The following BCL2 variants were observed in gnomAD, a reference collection of about 807,000 sequenced individuals.
The protein encoded by BCL2 is apoptosis regulator Bcl-2.
A neutral mutation model predicts 14.2 loss-of-function variants in BCL2; 1 was observed. The ratio of observed to expected loss-of-function variants is 0.07; its 90% CI spans 0.02 to 0.33. The LOEUF (loss-of-function observed/expected upper bound fraction) is 0.33, where lower values mean the gene tolerates loss of function less well. Among genes scored for constraint, BCL2 ranks in the 10% least tolerant of loss-of-function variants. The pLI, the probability that BCL2 is intolerant of heterozygous loss-of-function variation, is 0.99. For synonymous variants in BCL2, 151 were observed against 137.2 expected, an observed-to-expected ratio of 1.10 and a Z score of -0.70; for missense variants, 247 against 305.9, an observed-to-expected ratio of 0.81 and a Z score of 1.44.
In BCL2 at chr18:63,318,458, G is replaced by C; in HGVS notation, c.209C>G (p.Ser70Trp). The C allele has an allele frequency of 6.8e-7, 1 of 1,472,594 alleles. No homozygotes were observed. Among genetic ancestry groups the C allele is most frequent in the Non-Finnish European group, 8.9e-7 (1 of 1,122,878 alleles). 91.2% of individuals were successfully genotyped at this position (1,472,594 alleles called of 1,614,324 possible). ...AASRDPVART[S>W]PLQTPAAPGA... ...GGGGGCAGCCGGGGTCTGCAGCGGC[G>C]AGGTCCTGGCGACCGGGTCCCGGGA... Residue 70 changes from serine to tryptophan, a missense_variant, in exon 2 of 3, where the codon TCG becomes TGG. Physicochemically the swap from Ser to Trp is radical, Grantham distance 177. Transcript: ENST00000333681. This position sits in a 1 kb window ranked among gnomAD's most constrained non-coding sequence, Gnocchi z 7.4.
intron 2 of BCL2, among the ~76,000 whole-genome samples, chr18:63,271,293 A>C (rs553057572): frequency 6.6e-6 from 1 of 152,326 alleles, no homozygotes; most frequent in South Asian, 2.1e-4. Flanking sequence ...TTTGGAGGAA[A>C]ACCAATTAAA....
rs983902232 is a variant in BCL2, at chr18:63,192,083, G to A, written c.586-63324C>T. ...GACAGGCATGGTCCCTGCTTTCATG[G>A]ATCTCAAAGAATAAACAAGCACAGC... On this transcript the variant is annotated intron_variant, in intron 2 of 2. Coordinates refer to ENST00000333681, the MANE Select transcript of BCL2 (RefSeq NM_000633.3). Among the ~76,000 whole-genome samples the A allele has an allele frequency of 3.9e-5, 6 of 152,294 alleles. No homozygotes were observed. The South Asian group carries it at 1.0e-3, about 26-fold the overall frequency.
chr18:63,227,995 C>T (rs932376767), intron 2 of BCL2, among the ~76,000 whole-genome samples: 1 of 152,222 alleles, frequency 6.6e-6, no homozygotes, highest in Non-Finnish European at 1.5e-5. Flanking sequence ...AAGGTGCTGG[C>T]TGATTTCATT....
chr18:63,310,487 G>A (rs1316148564), intron 2 of BCL2, among the ~76,000 whole-genome samples: 4 of 152,152 alleles, frequency 2.6e-5, no homozygotes, highest in Admixed American at 6.5e-5. Flanking sequence ...CTGTAGCTGG[G>A]TTGGGCCTCT....
At chr18:63,258,436 G>A (rs1045799055) in intron 2 of BCL2, among the ~76,000 whole-genome samples, 1 of 152,212 alleles carries the variant, frequency 6.6e-6, no homozygotes, top group Non-Finnish European at 1.5e-5. Context: ...ACCAAGGAAG[G>A]ACAGGACCCA....
intron 2 of BCL2, among the ~76,000 whole-genome samples, chr18:63,150,371 C>A (rs1240773458): frequency 6.6e-6 from 1 of 152,270 alleles, no homozygotes; most frequent in Non-Finnish European, 1.5e-5. Context: ...CTGCTCCTAT[C>A]TTCAATACTG....
chr18:63,251,391 C>T (rs1911309795), intron 2 of BCL2, among the ~76,000 whole-genome samples: 1 of 152,210 alleles, frequency 6.6e-6, no homozygotes, highest in African/African-American at 2.4e-5. Flanking sequence ...AGAGTGACTA[C>T]CCAGCACTTT....
intron 2 of BCL2, among the ~76,000 whole-genome samples, chr18:63,267,869 C>T (rs902055472): frequency 1.2e-4 from 19 of 152,158 alleles, no homozygotes; most frequent in Admixed American, 1.1e-3. Context: ...TCTCTCCCTT[C>T]TTCCTTCCCT....
chr18:63,226,065 G>T (rs1174696324), intron 2 of BCL2, among the ~76,000 whole-genome samples: 1 of 152,170 alleles, frequency 6.6e-6, no homozygotes, highest in African/African-American at 2.4e-5. Context: ...GTAGGAAGGG[G>T]AGCTGAAAAG....
At chr18:63,245,552 T>C (rs565348386) in intron 2 of BCL2, among the ~76,000 whole-genome samples, 23 of 152,328 alleles carry the variant, frequency 1.5e-4, no homozygotes, top group Middle Eastern at 3.4e-3. Context: ...GGAATAACCC[T>C]GTGTCCTGAT....
rs1250824110 is a variant in BCL2, at chr18:63,126,541, G to T, written c.*2084C>A. 1 of 228,882 alleles carries T rather than the reference G, an allele frequency of 4.4e-6. No individual in the cohort carries two copies. The highest frequency in any genetic ancestry group is 8.7e-6 in the Non-Finnish European group (1 of 115,408). 14.2% of individuals were successfully genotyped at this position (228,882 alleles called of 1,614,324 possible). A position where few individuals can be genotyped will look rare whatever the true frequency, so the allele number is the denominator to read the frequency against. On this transcript the variant is annotated 3_prime_UTR_variant, in exon 3 of 3. Coordinates refer to ENST00000333681, the MANE Select transcript of BCL2 (RefSeq NM_000633.3). Reference sequence around the variant, plus strand: ...GACGAGGAAACCTTCAAGAAACAAGGTCAAAGGGACAACAGATATAACTGT... The same window carrying T: ...GACGAGGAAACCTTCAAGAAACAAGTTCAAAGGGACAACAGATATAACTGT...
chr18:63,134,789 G>A (rs998490287), intron 2 of BCL2, among the ~76,000 whole-genome samples: 2 of 152,226 alleles, frequency 1.3e-5, no homozygotes, highest in South Asian at 2.1e-4. Context: ...GAGTCTCATC[G>A]GCAGTAAGAA....
chr18:63,266,978 G>A (rs1911851187), intron 2 of BCL2, among the ~76,000 whole-genome samples: 1 of 152,228 alleles, frequency 6.6e-6, no homozygotes, highest in Non-Finnish European at 1.5e-5. Context: ...AGATTAGAAA[G>A]CTCAGTAGGA....
At chr18:63,211,540 C>G (rs1423179650) in intron 2 of BCL2, among the ~76,000 whole-genome samples, 1 of 152,234 alleles carries the variant, frequency 6.6e-6, no homozygotes, top group Non-Finnish European at 1.5e-5. Flanking sequence ...TAAACCTTCA[C>G]TGACTTCCCT....
At chr18:63,240,153 A>G (rs976697607) in intron 2 of BCL2, among the ~76,000 whole-genome samples, 1 of 151,868 alleles carries the variant, frequency 6.6e-6, no homozygotes, top group Admixed American at 6.6e-5. Flanking sequence ...ACGTTTGGTT[A>G]ATTTTTGTAT....
intron 2 of BCL2, among the ~76,000 whole-genome samples, chr18:63,169,008 G>A (rs1265180741): frequency 6.6e-6 from 1 of 152,196 alleles, no homozygotes; most frequent in Non-Finnish European, 1.5e-5. Flanking sequence ...TGGCCTAACA[G>A]CATTGAATAA....
intron 2 of BCL2, among the ~76,000 whole-genome samples, chr18:63,264,218 C>T (rs1911751305): frequency 6.6e-6 from 1 of 152,156 alleles, no homozygotes. Flanking sequence ...TTTTAAAGAA[C>T]AACAAAATGT....
intron 2 of BCL2, among the ~76,000 whole-genome samples, chr18:63,147,131 G>A (rs1452472201): frequency 3.3e-5 from 5 of 152,170 alleles, no homozygotes; most frequent in Non-Finnish European, 7.3e-5. Context: ...TCTATCACAA[G>A]CCACACAATG....
rs181875991 is a variant in BCL2 at position 63,230,315 on chromosome 18, C to G, written c.585+87767G>C. ...GTAAAACATATTTAGGACTGAACAA[C>G]TGAAGCCCTAAATTTCAGTTGAAGA... On this transcript the variant is annotated intron_variant, in intron 2 of 2. Transcript: ENST00000333681. 3.9e-5 allele frequency among the ~76,000 whole-genome samples: 6 copies of G among 152,218 alleles called. No individual in the cohort carries two copies. In the South Asian group the frequency reaches 6.2e-4, roughly 16 times the overall value.
Sources: allele counts gnomAD v4.1 joint callset (sites outside exome capture counted in the v4.1 genomes callset), GRCh38; gene constraint gnomAD v4.1.1; non-coding constraint Gnocchi (gnomAD v3.1); transcripts MANE v1.5; gene names NCBI Gene and HGNC (gene_info 2026-07-23, HGNC 2026-07-21).